TTLL9: variants seen among roughly 807,000 people sequenced by gnomAD.
TTLL9 encodes probable tubulin polyglutamylase TTLL9.
TTLL9 carries 47 observed loss-of-function variants against 65.6 expected under a neutral mutation model. The ratio of observed to expected loss-of-function variants is 0.72; its 90% CI spans 0.57 to 0.91. The LOEUF is 0.91. TTLL9 is among the 40% of genes least tolerant of loss of function. The pLI is 0.00. For synonymous variants in TTLL9, 179 were observed against 204.8 expected (o/e 0.87, Z 1.07); for missense variants, 537 against 568.8 (o/e 0.94, Z 0.57).
chr20:31,937,381 C>A lies in TTLL9; in HGVS notation c.1005-15C>A. ...CCGAGTAACCCTAAGACTCTCTACT[C>A]CCCTCCCTTCCCAGGTGGCTCCTGG... On this transcript the variant is annotated splice_polypyrimidine_tract_variant and intron_variant, in intron 12 of 14. Transcript: ENST00000535842. 6.2e-7 allele frequency: 1 copy of A among 1,606,612 alleles called. No homozygotes were observed. Among genetic ancestry groups the A allele is most frequent in the Non-Finnish European group, 8.5e-7 (1 of 1,173,550 alleles).
At chr20:31,919,733 C>A in intron 6 of TTLL9, 131 bp from the exon 7 acceptor site, 1 of 653,402 alleles carries the variant, frequency 1.5e-6, no homozygotes, top group Non-Finnish European at 2.4e-6. Context: ...TTCAGCTAGC[C>A]TTCCTCTGGG....
In TTLL9 at chr20:31,909,735, A is replaced by G; in HGVS notation, c.319-2A>G. 6.2e-7 allele frequency: 1 copy of G among 1,613,090 alleles called. No individual in the cohort carries two copies. The highest frequency in any genetic ancestry group is 8.5e-7 in the Non-Finnish European group (1 of 1,179,574). On this transcript the variant is annotated splice_acceptor_variant, in intron 5 of 14. Coordinates refer to ENST00000535842, the MANE Select transcript of TTLL9 (RefSeq NM_001008409.5). LOFTEE classifies it high-confidence loss of function. ...TGGCCGCCTGTCCTTCCCGCCACCC[A>G]GCTGACCCGGAAGAACTACATGGTG...
chr20:31,908,957 A>C (rs1229819461), intron 5 of TTLL9, among the ~76,000 whole-genome samples: 2 of 151,936 alleles, frequency 1.3e-5, no homozygotes, highest in East Asian at 3.9e-4. Context: ...TTGAGGGTGC[A>C]GGGTCTGAAG....
intron 4 of TTLL9, 35 bp downstream of exon 4, chr20:31,898,600 C>T (rs1309391993): frequency 1.9e-6 from 3 of 1,585,270 alleles, no homozygotes; most frequent in South Asian, 2.2e-5. Flanking sequence ...CCCTCCTTCC[C>T]TTTGTCTCAC....
At chr20:31,916,435 T>C (rs544690746) in intron 6 of TTLL9, among the ~76,000 whole-genome samples, 12 of 152,368 alleles carry the variant, frequency 7.9e-5, no homozygotes, top group Non-Finnish European at 1.6e-4. Flanking sequence ...TCAGCCCCGA[T>C]GTAACACCAT....
chr20:31,913,131 G>A (rs944047860), intron 6 of TTLL9, among the ~76,000 whole-genome samples: 1 of 82,048 alleles, frequency 1.2e-5, no homozygotes, highest in Non-Finnish European at 2.5e-5. Context: ...CTGTACTCCA[G>A]CCTGGTGACA....
chr20:31,872,198 T>C (rs2062944935), intron 2 of TTLL9, among the ~76,000 whole-genome samples: 1 of 152,092 alleles, frequency 6.6e-6, no homozygotes, highest in South Asian at 2.1e-4. Context: ...AGGGAGAACC[T>C]CTCTGAATAA....
intron 4 of TTLL9, among the ~76,000 whole-genome samples, chr20:31,901,962 T>C (rs1410518850): frequency 6.6e-6 from 1 of 152,126 alleles, no homozygotes. Context: ...GCATCCAACA[T>C]GGTCTCTGAC....
intron 3 of TTLL9, among the ~76,000 whole-genome samples, chr20:31,891,561 A>G (rs2063308061): frequency 6.6e-6 from 1 of 152,038 alleles, no homozygotes; most frequent in South Asian, 2.1e-4. Flanking sequence ...GCTGGTCTCA[A>G]ATTCCAGGGC....
At chr20:31,900,717 C>G (rs1041440370) in intron 4 of TTLL9, among the ~76,000 whole-genome samples, 3 of 151,920 alleles carry the variant, frequency 2.0e-5, no homozygotes, top group African/African-American at 7.3e-5. Flanking sequence ...ATCCAGAGAA[C>G]GGGTGTCATG....
chr20:31,889,220 C>T (rs1171877924), intron 3 of TTLL9, among the ~76,000 whole-genome samples: 1 of 152,088 alleles, frequency 6.6e-6, no homozygotes, highest in Non-Finnish European at 1.5e-5. Context: ...GTCTGGAGTG[C>T]TGGTACAGTG....
In TTLL9 at chr20:31,939,239, G is replaced by C; in HGVS notation, c.1216G>C (p.Gly406Arg). The change falls in exon 14 of 15, where the codon GGA (glycine) becomes CGA (arginine). Residue 406 changes from glycine to arginine, a missense_variant. By Grantham distance (125) the Gly-to-Arg change is moderately radical. Coordinates refer to ENST00000535842, the MANE Select transcript of TTLL9 (RefSeq NM_001008409.5). ...EEGAPDLSGM[G>R]NFVTNTHLGC... is the part of the protein sequence containing the mutation. Reference sequence around the variant, plus strand: ...GGGGGCTCCTGACCTGTCGGGAATGGGAAACTTTGTGACCAACACACATCT... The same window carrying C: ...GGGGGCTCCTGACCTGTCGGGAATGCGAAACTTTGTGACCAACACACATCT... The C allele has an allele frequency of 1.9e-6, 3 of 1,613,658 alleles. No homozygotes were observed. The highest frequency in any genetic ancestry group is 2.5e-6 in the Non-Finnish European group (3 of 1,179,812).
At chr20:31,886,941 C>T (rs2063197949) in intron 2 of TTLL9, among the ~76,000 whole-genome samples, 2 of 152,194 alleles carry the variant, frequency 1.3e-5, no homozygotes, top group South Asian at 4.1e-4. Context: ...CTATACTGGT[C>T]ATACCTGTGG....
At chr20:31,899,153 C>G (rs1032038222) in intron 4 of TTLL9, among the ~76,000 whole-genome samples, 3 of 152,250 alleles carry the variant, frequency 2.0e-5, no homozygotes, top group Non-Finnish European at 1.5e-5. Flanking sequence ...GTTTATCTGT[C>G]TCATTGAAGT....
intron 3 of TTLL9, among the ~76,000 whole-genome samples, chr20:31,896,322 T>G (rs1178061314): frequency 6.6e-6 from 1 of 152,224 alleles, no homozygotes; most frequent in Non-Finnish European, 1.5e-5. Context: ...GATTCCATTT[T>G]GAATCTGACA....
intron 2 of TTLL9, among the ~76,000 whole-genome samples, chr20:31,882,739 A>G (rs1309796824): frequency 1.3e-5 from 2 of 152,178 alleles, no homozygotes; most frequent in Non-Finnish European, 2.9e-5. Context: ...TAGGACTTCT[A>G]TCTCAGGCAA....
At chr20:31,918,228 C>T (rs139397845) in intron 6 of TTLL9, among the ~76,000 whole-genome samples, 147 of 152,060 alleles carry the variant, frequency 9.7e-4, no homozygotes, top group African/African-American at 3.0e-3. Context: ...AAGTGATTTC[C>T]TTGAAATGCA....
intron 3 of TTLL9, among the ~76,000 whole-genome samples, chr20:31,890,185 C>CT (rs1223017524): frequency 8.0e-6 from 1 of 125,160 alleles, no homozygotes. Context: ...TTCTTTCTTT[C>CT]TTTCTTTCTT....
At chr20:31,911,648 C>G (rs538167354) in intron 6 of TTLL9, among the ~76,000 whole-genome samples, 3 of 152,298 alleles carry the variant, frequency 2.0e-5, no homozygotes, top group South Asian at 2.1e-4. Flanking sequence ...GTGCTGTGAC[C>G]CACCAGGGCG....
Sources: allele counts gnomAD v4.1 joint callset (sites outside exome capture counted in the v4.1 genomes callset), GRCh38; gene constraint gnomAD v4.1.1; transcripts MANE v1.5; gene names NCBI Gene and HGNC (gene_info 2026-07-23, HGNC 2026-07-21).